LIMS2: variants seen among roughly 807,000 people sequenced by gnomAD.
The protein encoded by LIMS2 is LIM zinc finger domain containing 2, also known as LIM and senescent cell antigen-like-containing domain protein 2.
Under a neutral mutation model 45.3 loss-of-function variants are expected in LIMS2, and 30 were observed. The ratio of observed to expected loss-of-function variants is 0.66; its 90% CI spans 0.50 to 0.90. The LOEUF is 0.90. LIMS2 is among the 40% of genes least tolerant of loss of function. LIMS2 has a pLI of 0.00. For missense variants in LIMS2, 485 were observed against 468.7 expected (o/e 1.03, Z -0.32); for synonymous variants, 173 against 188.0 (o/e 0.92, Z 0.65).
intron 4 of LIMS2, chr2:127,644,061 C>G (rs748774219): frequency 2.0e-5 from 9 of 456,392 alleles, no homozygotes; most frequent in Non-Finnish European, 4.0e-5. Context: ...CTCCCTGGAC[C>G]CCAGGACCTG....
intron 2 of LIMS2, 141 bp downstream of exon 2, chr2:127,657,262 G>T: frequency 1.1e-6 from 1 of 920,484 alleles, no homozygotes. Context: ...ATGGGCCCGT[G>T]CAGGAGCTCA....
intron 1 of LIMS2, among the ~76,000 whole-genome samples, chr2:127,665,340 A>G (rs1416416198): frequency 6.6e-6 from 1 of 152,150 alleles, no homozygotes; most frequent in Non-Finnish European, 1.5e-5. Context: ...CAGGGCACTG[A>G]TCCTCCCAAA....
Position 127,639,320 on chromosome 2 carries a change from G to C in LIMS2, c.987C>G (p.Arg329=). Reference sequence around the variant, plus strand: ...GGTCTGTGGCCTTGGGCTGGGCCTTGCGGGAGGTCAGCTCCGACAGCTTCT... The same window carrying C: ...GGTCTGTGGCCTTGGGCTGGGCCTTCCGGGAGGTCAGCTCCGACAGCTTCT... The part of the protein sequence containing the change: ...RLKKLSELTS[R]KAQPKATDLN... Residue 329 remains arginine (R), a synonymous_variant, in exon 10 of 10, where the codon CGC becomes CGG. Transcript: ENST00000355119. The C allele has an allele frequency of 6.2e-7, 1 of 1,613,942 alleles. No homozygotes were observed. The highest frequency in any genetic ancestry group is 8.5e-7 in the Non-Finnish European group (1 of 1,179,932).
chr2:127,649,227 G>A (rs1429571658), intron 4 of LIMS2, among the ~76,000 whole-genome samples: 18 of 151,296 alleles, frequency 1.2e-4, no homozygotes, highest in Non-Finnish European at 8.9e-5. Context: ...GGAGAAATGT[G>A]CAGAGTGAAT....
rs200100405 is a variant in LIMS2, at chr2:127,653,057, G to C, written c.359+1367C>G. ...CTCCTGGTGCTGTCCCTCGGCCCCT[G>C]CACTGCACCGTCTGCCCCTCAGCCC... On this transcript the variant is annotated intron_variant, in intron 4 of 9. Coordinates refer to ENST00000355119, the MANE Select transcript of LIMS2 (RefSeq NM_001161403.3). The surrounding 1 kb of genome is among the most constrained non-coding windows in gnomAD (Gnocchi z 5.3). Among the ~76,000 whole-genome samples the C allele has an allele frequency of 1.3e-5, 2 of 152,268 alleles. No individual in the cohort carries two copies. The highest frequency in any genetic ancestry group is 3.9e-4 in the East Asian group (2 of 5,178).
Position 127,657,537 on chromosome 2 carries a change from C to G in LIMS2, c.37G>C (p.Ala13Pro). The G allele has an allele frequency of 6.2e-7, 1 of 1,608,454 alleles. No individual in the cohort carries two copies. The highest frequency in any genetic ancestry group is 8.5e-7 in the Non-Finnish European group (1 of 1,177,340). Reference protein sequence around the residue: ...GSNMSDALANAVCQRCQARFS... With the variant: ...GSNMSDALANPVCQRCQARFS... ...CGGGCCTGGCAGCGCTGGCACACGGCGTTGGCCAAGGCGTCCGACATATTG... is the reference window on the plus strand; with the variant it reads ...CGGGCCTGGCAGCGCTGGCACACGGGGTTGGCCAAGGCGTCCGACATATTG... The change falls in exon 2 of 10, where the codon GCC becomes CCC. Residue 13 changes from alanine (A) to proline (P), a missense_variant. Coordinates refer to ENST00000355119, the MANE Select transcript of LIMS2 (RefSeq NM_001161403.3).
At chr2:127,655,817 G>C (rs1684216065) in intron 2 of LIMS2, 1 of 152,382 alleles carries the variant, frequency 6.6e-6, no homozygotes, top group Non-Finnish European at 1.5e-5. Flanking sequence ...CCATCCACCA[G>C]CCAGTCCCAT....
At position 127,642,455 on chromosome 2, in the gene LIMS2, C is replaced by T; in HGVS notation, c.510-256G>A. Reference sequence around the variant, plus strand: ...CAGGCCTCTGAGAAGCAGGTCTGTTCTTGGGCCCCCCTCCTCCTCCAAACC... The same window carrying T: ...CAGGCCTCTGAGAAGCAGGTCTGTTTTTGGGCCCCCCTCCTCCTCCAAACC... On this transcript the variant is annotated intron_variant, in intron 5 of 9. Transcript: ENST00000355119. The surrounding 1 kb of genome is among the most constrained non-coding windows in gnomAD (Gnocchi z 5.3). 2.4e-6 allele frequency: 1 copy of T among 408,306 alleles called. No individual in the cohort carries two copies. Among genetic ancestry groups the T allele is most frequent in the Non-Finnish European group, 4.3e-6 (1 of 230,208 alleles). 25.3% of individuals were successfully genotyped at this position (408,306 alleles called of 1,614,324 possible).
chr2:127,669,540 C>T (rs748369946), intron 1 of LIMS2, among the ~76,000 whole-genome samples: 1 of 151,852 alleles, frequency 6.6e-6, no homozygotes, highest in African/African-American at 2.4e-5. Flanking sequence ...ATGGTGAAAC[C>T]CCATCTCTAC....
intron 3 of LIMS2, 40 bp from the exon 4 acceptor site, chr2:127,654,584 C>T (rs765707218): frequency 6.2e-7 from 1 of 1,613,434 alleles, no homozygotes; most frequent in Admixed American, 1.7e-5. Context: ...GGAGCACGTG[C>T]CTGTCCCCTC....
chr2:127,653,758 C>T lies in LIMS2; in HGVS notation c.359+666G>A, dbSNP rs1368246944. Among the ~76,000 whole-genome samples, 1 of 152,094 alleles carries T rather than the reference C, an allele frequency of 6.6e-6. No homozygotes were observed. The highest frequency in any genetic ancestry group is 2.4e-5 in the African/African-American group (1 of 41,412). Reference sequence around the variant, plus strand: ...CTGGGCAGATGAGGCCAGGGTAGCACACGCGAGGGGCAGCGGGTGTGCTGG... The same window carrying T: ...CTGGGCAGATGAGGCCAGGGTAGCATACGCGAGGGGCAGCGGGTGTGCTGG... On this transcript the variant is annotated intron_variant, in intron 4 of 9. Coordinates refer to ENST00000355119, the MANE Select transcript of LIMS2 (RefSeq NM_001161403.3). The surrounding 1 kb of genome is among the most constrained non-coding windows in gnomAD (Gnocchi z 5.3).
chr2:127,672,482 C>T lies in LIMS2; in HGVS notation c.11+2532G>A, dbSNP rs1284704629. Among the ~76,000 whole-genome samples, 1 of 152,136 alleles carries T rather than the reference C, an allele frequency of 6.6e-6. No individual in the cohort carries two copies. The highest frequency in any genetic ancestry group is 2.4e-5 in the African/African-American group (1 of 41,418). ...CAGCTCTTCAAGCACTCCACAACCA[C>T]ACCAAGCATGCCATCCACCCCCACC... On this transcript the variant is annotated intron_variant, in intron 1 of 9. Coordinates refer to ENST00000355119, the MANE Select transcript of LIMS2 (RefSeq NM_001161403.3). The surrounding 1 kb of genome is among the most constrained non-coding windows in gnomAD (Gnocchi z 4.9).
At chr2:127,681,547 G>C (rs1385272163) in exon 1 of LIMS2, 1 of 152,502 alleles carries the variant, frequency 6.6e-6, no homozygotes, top group Admixed American at 6.5e-5. Context: ...GGCAGAGGCC[G>C]GAGGCACCTT....
chr2:127,679,564 C>T (rs1685571650), upstream of LIMS2, among the ~76,000 whole-genome samples: 1 of 152,048 alleles, frequency 6.6e-6, no homozygotes, highest in Non-Finnish European at 1.5e-5. This position sits in a 1 kb window ranked among gnomAD's most constrained non-coding sequence, Gnocchi z 5.3. Flanking sequence ...GGGTTCAGGG[C>T]AGGTGGGCAC....
rs774372976 is a variant in LIMS2 at position 127,657,508 on chromosome 2, G to A, written c.66C>T (p.Phe22=). The change falls in exon 2 of 10, where the codon TTC becomes TTT. Residue 22 remains phenylalanine, a synonymous_variant. Transcript: ENST00000355119. ...NAVCQRCQAR[F]SPAERIVNSN... is the part of the protein sequence containing the mutation. ...TGTTGACAATGCGCTCGGCGGGGGA[G>A]AAGCGGGCCTGGCAGCGCTGGCACA... The A allele has an allele frequency of 6.2e-7, 1 of 1,613,074 alleles. No homozygotes were observed. The highest frequency in any genetic ancestry group is 1.1e-5 in the South Asian group (1 of 91,046).
Position 127,664,456 on chromosome 2 carries a change from G to A in LIMS2, c.12-6894C>T, listed in dbSNP as rs1684887204. On this transcript the variant is annotated intron_variant, in intron 1 of 9. Coordinates refer to ENST00000355119, the MANE Select transcript of LIMS2 (RefSeq NM_001161403.3). This position sits in a 1 kb window ranked among gnomAD's most constrained non-coding sequence, Gnocchi z 5.5. Reference sequence around the variant, plus strand: ...GGTGCAGGGGCTATGGGACCACCTCGGAGGGGAGGCGCGGCCGCCTGGGGC... The same window carrying A: ...GGTGCAGGGGCTATGGGACCACCTCAGAGGGGAGGCGCGGCCGCCTGGGGC... 8.4e-7 allele frequency: 1 copy of A among 1,186,374 alleles called. No homozygotes were observed. Among genetic ancestry groups the A allele is most frequent in the African/African-American group, 1.6e-5 (1 of 62,682 alleles). The allele number at this position is 1,186,374 out of a possible 1,614,324, so 73.5% of individuals were successfully genotyped here.
chr2:127,640,435 C>A, intron 7 of LIMS2, 117 bp from the exon 8 acceptor site: 5 of 1,087,992 alleles, frequency 4.6e-6, no homozygotes, highest in Non-Finnish European at 6.8e-6. Context: ...CCAGGCCCTG[C>A]CTCCCAGGGC....
At chr2:127,650,205 C>T in intron 4 of LIMS2, 1 of 776,278 alleles carries the variant, frequency 1.3e-6, no homozygotes, top group Non-Finnish European at 2.1e-6. Context: ...CCGGCCACTG[C>T]ACCTGTGGGC....
intron 1 of LIMS2, among the ~76,000 whole-genome samples, chr2:127,668,782 A>G (rs1482517178): frequency 6.6e-6 from 1 of 151,462 alleles, no homozygotes; most frequent in East Asian, 1.9e-4. Context: ...GGATAGACAT[A>G]TACACCCATA....
Sources: allele counts gnomAD v4.1 joint callset (sites outside exome capture counted in the v4.1 genomes callset), GRCh38; gene constraint gnomAD v4.1.1; non-coding constraint Gnocchi (gnomAD v3.1); transcripts MANE v1.5; gene names NCBI Gene and HGNC (gene_info 2026-07-23, HGNC 2026-07-21).